Variants in ABCB1 observed in about 807,000 individuals in gnomAD.
The protein encoded by ABCB1 is ATP binding cassette subfamily B member 1.
A neutral mutation model predicts 142.0 loss-of-function variants in ABCB1; 69 were observed. The observed-to-expected ratio is 0.49, with a 90% CI of 0.40 to 0.59. The LOEUF is 0.59. Ranked by LOEUF, ABCB1 falls within the 20% of genes least tolerant of loss-of-function variation. The probability of loss-of-function intolerance (pLI) is 0.00; values close to 1 mark genes in which losing one functional copy is unlikely to be tolerated. For missense variants in ABCB1, 1,326 were observed against 1,554.7 expected (o/e 0.85, Z 2.47); for synonymous variants, 532 against 539.2 (o/e 0.99, Z 0.18).
intron 1 of ABCB1, among the ~76,000 whole-genome samples, chr7:87,712,875 T>G (rs1198613158): frequency 6.6e-6 from 1 of 152,156 alleles, no homozygotes; most frequent in East Asian, 1.9e-4. Flanking sequence ...CATACACATT[T>G]ATCGAATAAT....
At position 87,504,215 on chromosome 7, in the gene ABCB1, A is replaced by G. The variant is rs749904097; in HGVS notation, c.*28T>C. ...TGTCATATCTAAACAAATATTAAAAAGTATTTAACATCTCATACAGTCAGA... is the reference window on the plus strand; with the variant it reads ...TGTCATATCTAAACAAATATTAAAAGGTATTTAACATCTCATACAGTCAGA... On this transcript the variant is annotated 3_prime_UTR_variant, in exon 28 of 28. Transcript: ENST00000622132. 8 of 1,613,322 alleles carry G rather than the reference A, an allele frequency of 5.0e-6. No individual in the cohort carries two copies. In the South Asian group the frequency reaches 6.6e-5, roughly 13 times the overall value.
At chr7:87,677,468 A>G (rs776518943) in intron 1 of ABCB1, among the ~76,000 whole-genome samples, 3 of 152,278 alleles carry the variant, frequency 2.0e-5, no homozygotes, top group Non-Finnish European at 2.9e-5. Context: ...GGAGCCTAAA[A>G]ATAGTCAAAC....
intron 1 of ABCB1, among the ~76,000 whole-genome samples, chr7:87,707,639 A>T (rs560338218): frequency 2.6e-5 from 4 of 152,116 alleles, no homozygotes; most frequent in Non-Finnish European, 5.9e-5. Context: ...GCACCACTGC[A>T]CTCCAGCCTG....
At chr7:87,569,288 G>T (rs1359314494) in intron 5 of ABCB1, among the ~76,000 whole-genome samples, 2 of 141,942 alleles carry the variant, frequency 1.4e-5, no homozygotes, top group African/African-American at 5.3e-5. Context: ...AGCCGAGATC[G>T]CACCACTGCA....
rs375296280 is a variant in ABCB1, at chr7:87,531,328, A to G, written c.2651T>C (p.Leu884Pro). ...VEMKMLSGQALKDKKELEGSG... is the reference protein window; with the variant it reads ...VEMKMLSGQAPKDKKELEGSG... ...ACCTTCTAGTTCTTTCTTATCTTTC[A>G]GTGCTTGTCCAGACAACATTTTCAT... The change falls in exon 21 of 28, where the codon CTG (leucine) becomes CCG (proline). Residue 884 changes from leucine to proline, a missense_variant. Leu to Pro is a moderately conservative substitution (Grantham distance 98, BLOSUM62 -3). Transcript: ENST00000622132. The G allele has an allele frequency of 6.8e-6, 11 of 1,613,266 alleles. No homozygotes were observed. Among genetic ancestry groups the G allele is most frequent in the African/African-American group, 1.3e-5 (1 of 74,860 alleles).
At chr7:87,586,918 C>G (rs1473805659) in intron 3 of ABCB1, among the ~76,000 whole-genome samples, 1 of 152,052 alleles carries the variant, frequency 6.6e-6, no homozygotes, top group East Asian at 1.9e-4. Flanking sequence ...CTAATAGATA[C>G]TTAAGTATTT....
intron 25 of ABCB1, among the ~76,000 whole-genome samples, chr7:87,511,820 C>T (rs1815023032): frequency 6.6e-6 from 1 of 152,146 alleles, no homozygotes; most frequent in African/African-American, 2.4e-5. Flanking sequence ...TGGGTTATAA[C>T]CAGACAATGA....
chr7:87,587,329 A>AG (rs1413706606), intron 3 of ABCB1, among the ~76,000 whole-genome samples: 2 of 152,238 alleles, frequency 1.3e-5, no homozygotes, highest in African/African-American at 4.8e-5. Context: ...CATAATAAAA[A>AG]TAAGTGGATC....
At chr7:87,529,652 T>C (rs1264214206) in intron 21 of ABCB1, among the ~76,000 whole-genome samples, 1 of 152,242 alleles carries the variant, frequency 6.6e-6, no homozygotes, top group Non-Finnish European at 1.5e-5. Context: ...ATCTTCTTCC[T>C]AAAAGCAATC....
intron 5 of ABCB1, among the ~76,000 whole-genome samples, chr7:87,568,319 G>T (rs1817879130): frequency 6.7e-6 from 1 of 148,802 alleles, no homozygotes; most frequent in Non-Finnish European, 1.5e-5. Flanking sequence ...TACTCAGGAG[G>T]CTGAGGCAGG....
intron 19 of ABCB1, among the ~76,000 whole-genome samples, chr7:87,538,772 T>C (rs914826478): frequency 1.1e-4 from 17 of 152,182 alleles, no homozygotes; most frequent in African/African-American, 3.6e-4. Flanking sequence ...AAACCCATTA[T>C]CAGCCAGTAA....
chr7:87,666,017 G>A (rs1253445757), intron 1 of ABCB1, among the ~76,000 whole-genome samples: 1 of 151,994 alleles, frequency 6.6e-6, no homozygotes, highest in Non-Finnish European at 1.5e-5. Context: ...GGGATTGCTG[G>A]GTCGAATGGT....
rs1814559513 is a variant in ABCB1 at position 87,503,055 on chromosome 7, C to T, written c.*1188G>A. 6.6e-6 allele frequency among the ~76,000 whole-genome samples: 1 copy of T among 151,778 alleles called. No homozygotes were observed. The highest frequency in any genetic ancestry group is 1.5e-5 in the Non-Finnish European group (1 of 67,872). On this transcript the variant is annotated 3_prime_UTR_variant, in exon 28 of 28. Coordinates refer to ENST00000622132, the MANE Select transcript of ABCB1 (RefSeq NM_001348946.2). ...GATTTTTTTATTCATCATTAAATTA[C>T]AAGGCAAAAAAATGATATTTTGTTT...
chr7:87,659,144 A>G (rs1357039405), intron 1 of ABCB1: 1 of 379,248 alleles, frequency 2.6e-6, no homozygotes, highest in African/African-American at 2.2e-5. Context: ...CCTGGGCAAT[A>G]GAATGAGACC....
At chr7:87,555,529 A>T (rs898799284) in intron 8 of ABCB1, among the ~76,000 whole-genome samples, 3 of 152,202 alleles carry the variant, frequency 2.0e-5, no homozygotes, top group African/African-American at 7.2e-5. Flanking sequence ...TACATTACAG[A>T]GTTACAAAAG....
At chr7:87,685,527 A>G (rs937159013) in intron 1 of ABCB1, among the ~76,000 whole-genome samples, 3 of 152,316 alleles carry the variant, frequency 2.0e-5, no homozygotes, top group Non-Finnish European at 4.4e-5. Flanking sequence ...ATTTCCACAC[A>G]CAACAACATG....
At position 87,655,526 on chromosome 7, in the gene ABCB1, G is replaced by A. The variant is rs578060677; in HGVS notation, c.-330-54448C>T. Among the ~76,000 whole-genome samples the A allele has an allele frequency of 1.2e-4, 18 of 152,198 alleles. No individual in the cohort carries two copies. The South Asian group carries it at 1.2e-3, about 11-fold the overall frequency. On this transcript the variant is annotated intron_variant, in intron 1 of 28. Transcript: ENST00000265724. ...CATGGCATCTAAAAAAGTTGAATTC[G>A]TAGAAGTAGAGAGTAGAATGGTGGT...
chr7:87,549,788 G>A, intron 13 of ABCB1, 63 bp downstream of exon 13: 1 of 1,551,674 alleles, frequency 6.4e-7, no homozygotes, highest in South Asian at 1.1e-5. Context: ...CTAACTTCCT[G>A]CATAGTAGGC....
intron 3 of ABCB1, among the ~76,000 whole-genome samples, chr7:87,587,697 C>T (rs1463957359): frequency 1.3e-5 from 2 of 151,806 alleles, no homozygotes; most frequent in African/African-American, 4.8e-5. Flanking sequence ...CAGTGAAACC[C>T]CGTCTCTATT....
Sources: allele counts gnomAD v4.1 joint callset (sites outside exome capture counted in the v4.1 genomes callset), GRCh38; gene constraint gnomAD v4.1.1; transcripts MANE v1.5; gene names NCBI Gene and HGNC (gene_info 2026-07-23, HGNC 2026-07-21).